Variants in DCBLD1 observed in about 807,000 individuals in gnomAD.
DCBLD1 encodes the protein discoidin, CUB and LCCL domain containing 1.
In DCBLD1, 57 loss-of-function variants were observed where a neutral mutation model predicts 71.5. The ratio of observed to expected loss-of-function variants is 0.80; its 90% confidence interval spans 0.64 to 0.99. The LOEUF is 0.99. Ranked by LOEUF, DCBLD1 falls within the 50% of genes least tolerant of loss-of-function variation. The pLI, the probability that DCBLD1 is intolerant of heterozygous loss-of-function variation, is 0.00. For missense variants in DCBLD1, 891 were observed against 923.5 expected, an observed-to-expected ratio of 0.96 and a Z score of 0.46; for synonymous variants, 380 against 363.8, an observed-to-expected ratio of 1.04 and a Z score of -0.51.
intron 9 of DCBLD1, chr6:117,540,243 G>T (rs1779045163): frequency 6.5e-6 from 1 of 154,608 alleles, no homozygotes. Context: ...ATTTAAAATG[G>T]CTGCTTCAGT....
chr6:117,492,865 A>C (rs1404516387), intron 1 of DCBLD1, among the ~76,000 whole-genome samples: 2 of 152,338 alleles, frequency 1.3e-5, no homozygotes, highest in East Asian at 1.9e-4. Context: ...GATATGGTGC[A>C]TAAACCTACG....
intron 1 of DCBLD1, among the ~76,000 whole-genome samples, chr6:117,486,902 G>A (rs911640591): frequency 2.0e-4 from 31 of 152,178 alleles, no homozygotes; most frequent in Non-Finnish European, 4.0e-4. Flanking sequence ...CCTCCTGTCA[G>A]ATCAGCCGGG....
At chr6:117,569,659 C>T (rs779844840) in exon 15 of DCBLD1, 2 of 1,612,420 alleles carry the variant, frequency 1.2e-6, no homozygotes, top group Non-Finnish European at 8.5e-7. Context: ...CCCCAACGTG[C>T]AGCCCTCCGC....
downstream of DCBLD1, among the ~76,000 whole-genome samples, chr6:117,554,460 CCATAGGACTCCTCCCTAGAGCCAGT>C (rs1779470329): frequency 6.6e-6 from 1 of 152,192 alleles, no homozygotes; most frequent in South Asian, 2.1e-4. Flanking sequence ...TGATTTTCCT[CCATAGGACTCCTCCCTAGAGCCAGT>C]CAGATGATTA....
chr6:117,529,696 TC>T (rs991010101), intron 5 of DCBLD1, among the ~76,000 whole-genome samples: 1 of 152,136 alleles, frequency 6.6e-6, no homozygotes, highest in African/African-American at 2.4e-5. Context: ...AAGAAAATAA[TC>T]CTGGAAAATG....
intron 1 of DCBLD1, 40 bp from the exon 2 acceptor site, chr6:117,503,727 C>A (rs560908921): frequency 3.1e-6 from 5 of 1,590,078 alleles, no homozygotes; most frequent in South Asian, 1.1e-5. Flanking sequence ...GAATTAATGA[C>A]CCCTTCTTCT....
chr6:117,559,529 T>C (rs1259505122), intron 14 of DCBLD1, among the ~76,000 whole-genome samples: 1 of 152,100 alleles, frequency 6.6e-6, no homozygotes, highest in East Asian at 1.9e-4. Context: ...GGGATGGATT[T>C]CAGACCACAG....
intron 3 of DCBLD1, among the ~76,000 whole-genome samples, chr6:117,520,828 A>G (rs1057410988): frequency 1.3e-5 from 2 of 152,190 alleles, no homozygotes; most frequent in African/African-American, 4.8e-5. Context: ...CTCTTAGCCA[A>G]TCAGCTCTGA....
At chr6:117,561,071 G>C (rs1233123933) in intron 14 of DCBLD1, 2 of 223,258 alleles carry the variant, frequency 9.0e-6, no homozygotes, top group East Asian at 1.3e-4. Flanking sequence ...AGTAGCATCT[G>C]AGCAACGGTG....
intron 3 of DCBLD1, among the ~76,000 whole-genome samples, chr6:117,520,886 C>T (rs1355998681): frequency 3.3e-5 from 5 of 152,206 alleles, no homozygotes; most frequent in Non-Finnish European, 5.9e-5. Flanking sequence ...ATATATTGCT[C>T]CCAAAGAACT....
At chr6:117,503,720 T>G in intron 1 of DCBLD1, 47 bp from the exon 2 acceptor site, 1 of 1,589,736 alleles carries the variant, frequency 6.3e-7, no homozygotes, top group Non-Finnish European at 8.6e-7. Flanking sequence ...TCAGTAAGAA[T>G]TAATGACCCC....
intron 14 of DCBLD1, chr6:117,563,523 A>T (rs1583047089): frequency 2.9e-6 from 2 of 700,632 alleles, no homozygotes; most frequent in Non-Finnish European, 2.4e-6. Context: ...GGGGTTCGAG[A>T]CCAGCCTGGA....
In DCBLD1 at chr6:117,521,296, G is replaced by A. The variant is rs75325010; in HGVS notation, c.461-229G>A. On this transcript the variant is annotated intron_variant, in intron 3 of 14. Transcript: ENST00000338728. The stretch of plus-strand genomic sequence containing the variant: ...TACAGATTCTGCTATCATTTACTAG[G>A]TGATTGTGTTGAAAAACTGTCATTG... Among the ~76,000 whole-genome samples the A allele has an allele frequency of 8.8e-3, 1,335 of 152,200 alleles. 18 individuals carry two copies. The highest frequency in any genetic ancestry group is 0.03 in the African/African-American group (1,225 of 41,508).
At position 117,516,142 on chromosome 6, in the gene DCBLD1, C is replaced by T. The variant is rs1444181334; in HGVS notation, c.326-3674C>T. Among the ~76,000 whole-genome samples the T allele has an allele frequency of 3.3e-5, 5 of 151,346 alleles. No individual in the cohort carries two copies. In the South Asian group the frequency reaches 6.3e-4, roughly 19 times the overall value. ...GCTGAGGCGGGCAGATCACGAGGTC[C>T]GGAGATCGAGACTATACTGGCTAAC... On this transcript the variant is annotated intron_variant, in intron 2 of 14. Transcript: ENST00000338728.
intron 14 of DCBLD1, among the ~76,000 whole-genome samples, chr6:117,558,711 C>T (rs1195082105): frequency 6.6e-6 from 1 of 152,118 alleles, no homozygotes. Flanking sequence ...TAATGTGTAA[C>T]AATACATCAA....
chr6:117,509,057 G>A (rs568771985), intron 2 of DCBLD1, among the ~76,000 whole-genome samples: 4 of 152,296 alleles, frequency 2.6e-5, no homozygotes, highest in Admixed American at 6.5e-5. Context: ...GAGCCACCGC[G>A]CCTGGCCCTG....
chr6:117,540,572 C>T, intron 9 of DCBLD1, 96 bp from the exon 10 acceptor site: 1 of 1,468,650 alleles, frequency 6.8e-7, no homozygotes, highest in Non-Finnish European at 9.3e-7. Flanking sequence ...ACATAGAATC[C>T]TTGCCTTGGT....
intron 1 of DCBLD1, among the ~76,000 whole-genome samples, chr6:117,485,974 A>G (rs2114348622): frequency 6.6e-6 from 1 of 152,378 alleles, no homozygotes; most frequent in South Asian, 2.1e-4. Context: ...TTATATATTA[A>G]TATTTCAGAG....
chr6:117,525,358 C>A lies in DCBLD1; in HGVS notation c.513-4C>A, dbSNP rs1778515056. On this transcript the variant is annotated splice_region_variant and splice_polypyrimidine_tract_variant and intron_variant, in intron 4 of 14. Transcript: ENST00000338728. Reference sequence around the variant, plus strand: ...ATATAAATTATTTATTTTTCTTTTTCCAGCAAATTCTGCCCAGCTGGTTGT... The same window carrying A: ...ATATAAATTATTTATTTTTCTTTTTACAGCAAATTCTGCCCAGCTGGTTGT... The A allele has an allele frequency of 1.4e-6, 2 of 1,448,348 alleles. No individual in the cohort carries two copies. Among genetic ancestry groups the A allele is most frequent in the Admixed American group, 4.9e-5 (2 of 40,536 alleles). 89.7% of individuals were successfully genotyped at this position (1,448,348 alleles called of 1,614,324 possible). A position where few individuals can be genotyped will look rare whatever the true frequency, so the allele number is the denominator to read the frequency against.
Sources: allele counts gnomAD v4.1 joint callset (sites outside exome capture counted in the v4.1 genomes callset), GRCh38; gene constraint gnomAD v4.1.1; transcripts MANE v1.5; gene names NCBI Gene and HGNC (gene_info 2026-07-23, HGNC 2026-07-21).